The following COX10 variants were observed in gnomAD, a reference collection of about 807,000 sequenced individuals.
COX10 encodes cytochrome c oxidase assembly factor heme A:farnesyltransferase COX10.
In COX10, 27 loss-of-function variants were observed where a neutral mutation model predicts 37.3. That is an observed-to-expected ratio of 0.72 (90% confidence interval 0.53 to 1.00). COX10 has a LOEUF of 1.00. Ranked by LOEUF, COX10 falls within the 50% of genes least tolerant of loss-of-function variation. COX10 has a pLI of 0.00. For missense variants in COX10, 475 were observed against 563.2 expected, an observed-to-expected ratio of 0.84 and a Z score of 1.59; for synonymous variants, 222 against 229.1, an observed-to-expected ratio of 0.97 and a Z score of 0.28.
chr17:14,106,788 A>G (rs548713817), intron 4 of COX10, among the ~76,000 whole-genome samples: 1 of 151,932 alleles, frequency 6.6e-6, no homozygotes, highest in Admixed American at 6.6e-5. Flanking sequence ...TTTTTTGGTC[A>G]GTTGTTTGCT....
At chr17:14,141,785 G>A (rs1904552341) in intron 4 of COX10, among the ~76,000 whole-genome samples, 1 of 152,120 alleles carries the variant, frequency 6.6e-6, no homozygotes, top group Non-Finnish European at 1.5e-5. Flanking sequence ...TTCTGTTGTT[G>A]TGGTAATGAT....
chr17:14,100,790 G>A (rs1415676583), intron 3 of COX10, among the ~76,000 whole-genome samples: 4 of 151,258 alleles, frequency 2.6e-5, no homozygotes, highest in African/African-American at 9.7e-5. Context: ...CTGAAGAGAA[G>A]CAAGATGGAA....
chr17:14,092,527 G>T (rs1358562147), intron 3 of COX10, among the ~76,000 whole-genome samples: 1 of 152,028 alleles, frequency 6.6e-6, no homozygotes, highest in Non-Finnish European at 1.5e-5. Context: ...TTAGGCCCCT[G>T]ATTGATACCT....
At chr17:14,187,474 A>G (rs908451737) in intron 5 of COX10, among the ~76,000 whole-genome samples, 2 of 152,232 alleles carry the variant, frequency 1.3e-5, no homozygotes, top group African/African-American at 4.8e-5. Flanking sequence ...ATTGAAATAA[A>G]TCAGGGAATA....
chr17:14,127,991 A>G (rs1327919786), intron 4 of COX10, among the ~76,000 whole-genome samples: 1 of 151,416 alleles, frequency 6.6e-6, no homozygotes, highest in East Asian at 1.9e-4. Flanking sequence ...CATTGAACTT[A>G]GAAGGCCTGC....
chr17:14,096,470 G>A (rs1270365585), intron 3 of COX10, among the ~76,000 whole-genome samples: 1 of 141,906 alleles, frequency 7.0e-6, no homozygotes, highest in East Asian at 2.1e-4. Context: ...GAACTCCCAT[G>A]CTCAAGTCAT....
chr17:14,187,423 C>A (rs533469816), intron 5 of COX10, among the ~76,000 whole-genome samples: 1 of 152,012 alleles, frequency 6.6e-6, no homozygotes, highest in Non-Finnish European at 1.5e-5. Context: ...GATGTTGATG[C>A]AAAAAATATA....
At chr17:14,135,264 T>C (rs945985161) in intron 4 of COX10, among the ~76,000 whole-genome samples, 2 of 151,908 alleles carry the variant, frequency 1.3e-5, no homozygotes, top group African/African-American at 4.8e-5. Context: ...TGTTGTTAAG[T>C]TGAAATCTTT....
At chr17:14,078,523 AT>A (rs1477843384) in intron 3 of COX10, among the ~76,000 whole-genome samples, 1 of 152,002 alleles carries the variant, frequency 6.6e-6, no homozygotes, top group Non-Finnish European at 1.5e-5. Flanking sequence ...CTTGAGTCTA[AT>A]TTCTGTCACC....
In COX10 at chr17:14,127,615, A is replaced by G. The variant is rs908041054; in HGVS notation, c.624+25373A>G. ...GATCAAAGCAAAGAATCAATATTGC[A>G]CTAGTGATTTCTATTAAATAAAAAT... On this transcript the variant is annotated intron_variant, in intron 4 of 6. Transcript: ENST00000261643. Among the ~76,000 whole-genome samples, 5 of 152,286 alleles carry G rather than the reference A, an allele frequency of 3.3e-5. No homozygotes were observed. The East Asian group carries it at 7.7e-4, about 23-fold the overall frequency.
rs181225802 is a variant in COX10 at position 14,177,049 on chromosome 17, T to A, written c.696-14940T>A. ...AAATCAATGCAATGACATTGTCATT[T>A]GTTTCATTTTCCCAAGGAGAATACA... is the stretch of plus-strand genomic sequence containing the variant. On this transcript the variant is annotated intron_variant, in intron 5 of 6. Transcript: ENST00000261643. 3.3e-4 allele frequency: 128 copies of A among 392,718 alleles called. 1 individual carries two copies. The highest frequency in any genetic ancestry group is 6.6e-4 in the Admixed American group (15 of 22,844). The allele number at this position is 392,718 out of a possible 1,614,324, so 24.3% of individuals were successfully genotyped here.
intron 4 of COX10, among the ~76,000 whole-genome samples, chr17:14,126,886 A>G (rs981382807): frequency 7.9e-5 from 12 of 152,238 alleles, no homozygotes; most frequent in African/African-American, 2.9e-4. Flanking sequence ...TTAAATATTA[A>G]TCAGTATGAG....
intron 3 of COX10, among the ~76,000 whole-genome samples, chr17:14,079,755 C>T (rs1415900968): frequency 1.3e-5 from 2 of 151,562 alleles, no homozygotes; most frequent in East Asian, 3.9e-4. Context: ...GATAAAAACC[C>T]CTGTGTGAAA....
At chr17:14,140,513 T>C (rs1904507970) in intron 4 of COX10, among the ~76,000 whole-genome samples, 1 of 152,106 alleles carries the variant, frequency 6.6e-6, no homozygotes, top group South Asian at 2.1e-4. Flanking sequence ...TTCCTTAATA[T>C]GTAGTTTCAG....
intron 5 of COX10, among the ~76,000 whole-genome samples, chr17:14,176,090 A>G (rs1905679929): frequency 6.6e-6 from 1 of 152,124 alleles, no homozygotes; most frequent in African/African-American, 2.4e-5. Flanking sequence ...GACTTGGGGC[A>G]GCTCCTGGCA....
chr17:14,076,007 A>G (rs1915138720), intron 2 of COX10, among the ~76,000 whole-genome samples: 1 of 151,496 alleles, frequency 6.6e-6, no homozygotes, highest in Non-Finnish European at 1.5e-5. Context: ...AAAAAAAAAA[A>G]AAAAATCATT....
chr17:14,161,334 G>A (rs968129172), intron 5 of COX10, among the ~76,000 whole-genome samples: 4 of 152,112 alleles, frequency 2.6e-5, no homozygotes, highest in South Asian at 2.1e-4. Context: ...CCAAAGGCCC[G>A]AAAATTCCAA....
chr17:14,126,198 A>G (rs1916340097), intron 4 of COX10, among the ~76,000 whole-genome samples: 1 of 152,066 alleles, frequency 6.6e-6, no homozygotes, highest in Admixed American at 6.5e-5. Context: ...GCACTTTGCC[A>G]TTTCATCTTT....
Position 14,111,442 on chromosome 17 carries a change from A to G in COX10, c.624+9200A>G, listed in dbSNP as rs188216372. Among the ~76,000 whole-genome samples, 248 of 152,254 alleles carry G rather than the reference A, an allele frequency of 1.6e-3. 1 individual carries two copies. The highest frequency in any genetic ancestry group is 2.1e-3 in the Non-Finnish European group (140 of 68,000). On this transcript the variant is annotated intron_variant, in intron 4 of 6. Coordinates refer to ENST00000261643, the MANE Select transcript of COX10 (RefSeq NM_001303.4). Reference sequence around the variant, plus strand: ...GAAATTTTGGTAGTTAATCAGATTTATGTATACTTGTAATCTAGAATATCT... The same window carrying G: ...GAAATTTTGGTAGTTAATCAGATTTGTGTATACTTGTAATCTAGAATATCT...
Sources: gnomAD v4.1 joint callset for allele counts (sites outside exome capture counted in the v4.1 genomes callset) on GRCh38, gnomAD v4.1.1 for gene constraint, MANE v1.5 for transcripts, NCBI Gene and HGNC (gene_info 2026-07-23, HGNC 2026-07-21) for gene names.